The following MARCHF1 variants were observed in gnomAD, a reference collection of about 807,000 sequenced individuals.
The protein encoded by MARCHF1 is E3 ubiquitin-protein ligase MARCHF1.
In MARCHF1, 40 loss-of-function variants were observed where a neutral mutation model predicts 54.2. That is an observed-to-expected ratio of 0.74 (90% CI 0.57 to 0.96). The LOEUF is 0.96. Ranked by LOEUF, MARCHF1 falls within the 40% of genes least tolerant of loss-of-function variation. The probability of loss-of-function intolerance (pLI) is 0.00; values close to 1 mark genes in which losing one functional copy is unlikely to be tolerated. For missense variants in MARCHF1, 586 were observed against 656.5 expected (o/e 0.89, Z 1.17); for synonymous variants, 236 against 236.3 (o/e 1.00, Z 0.01).
intron 8 of MARCHF1, among the ~76,000 whole-genome samples, chr4:163,566,418 C>T (rs1489671967): frequency 6.6e-6 from 1 of 152,200 alleles, no homozygotes; most frequent in Non-Finnish European, 1.5e-5. Flanking sequence ...AGCACTAGGG[C>T]AAAGTCCCAC....
At position 163,527,866 on chromosome 4, in the gene MARCHF1, A is replaced by G. The variant is rs542732655; in HGVS notation, c.*882T>C. On this transcript the variant is annotated 3_prime_UTR_variant, in exon 10 of 10. Coordinates refer to ENST00000514618, the MANE Select transcript of MARCHF1 (RefSeq NM_001394959.1). ...TATTGATGACATGTTGAAATAACAT[A>G]TAGTGTTTTTAAAAAATCAAAATTC... 6 of 152,206 alleles carry G rather than the reference A, an allele frequency of 3.9e-5. No individual in the cohort carries two copies. The highest frequency in any genetic ancestry group is 1.9e-4 in the East Asian group (1 of 5,170). The allele number at this position is 152,206 out of a possible 1,614,324, so 9.4% of individuals were successfully genotyped here. A position where few individuals can be genotyped will look rare whatever the true frequency, so the allele number is the denominator to read the frequency against.
intron 2 of MARCHF1, among the ~76,000 whole-genome samples, chr4:164,091,634 A>G (rs1401400176): frequency 6.6e-6 from 1 of 151,966 alleles, no homozygotes; most frequent in Non-Finnish European, 1.5e-5. Flanking sequence ...GGAGATTCAA[A>G]AATAAATAAA....
intron 3 of MARCHF1, among the ~76,000 whole-genome samples, chr4:163,895,660 T>C (rs1292254169): frequency 3.9e-5 from 6 of 152,090 alleles, no homozygotes; most frequent in Non-Finnish European, 2.9e-5. Context: ...GCGAGGTCTG[T>C]TTATGCTGTG....
chr4:164,111,224 C>T (rs1430706273), intron 2 of MARCHF1, among the ~76,000 whole-genome samples: 1 of 151,652 alleles, frequency 6.6e-6, no homozygotes, highest in Non-Finnish European at 1.5e-5. Flanking sequence ...CCAGTTTCCA[C>T]AGGTAAAATC....
chr4:164,256,828 A>C (rs1733302901), intron 1 of MARCHF1, among the ~76,000 whole-genome samples: 1 of 152,218 alleles, frequency 6.6e-6, no homozygotes, highest in South Asian at 2.1e-4. Context: ...AAACTGGTAC[A>C]GTCCATTTGG....
chr4:163,744,596 T>A (rs1272543598), intron 4 of MARCHF1, among the ~76,000 whole-genome samples: 4 of 152,200 alleles, frequency 2.6e-5, no homozygotes, highest in Non-Finnish European at 5.9e-5. Flanking sequence ...TCCAGAATAA[T>A]ACCTGTCAAA....
At chr4:164,112,370 A>G (rs1011930209) in intron 1 of MARCHF1, among the ~76,000 whole-genome samples, 1 of 151,936 alleles carries the variant, frequency 6.6e-6, no homozygotes, top group Non-Finnish European at 1.5e-5. Flanking sequence ...GGCTAAGGAT[A>G]CAATTGTGTG....
intron 1 of MARCHF1, among the ~76,000 whole-genome samples, chr4:164,356,780 C>CAAAAAAAAAAAAAAAAAG (rs58855405): frequency 9.7e-6 from 1 of 103,276 alleles, no homozygotes; most frequent in Non-Finnish European, 2.0e-5. Context: ...AAAAGAAAAG[C>CAAAAAAAAAAAAAAAAAG]AAAAAAAAAA....
chr4:163,914,528 G>A (rs1340821553), intron 3 of MARCHF1, among the ~76,000 whole-genome samples: 1 of 152,010 alleles, frequency 6.6e-6, no homozygotes, highest in Non-Finnish European at 1.5e-5. Context: ...AAATTAAAAA[G>A]AAACATTTTA....
chr4:163,980,675 A>T (rs1265331089), intron 3 of MARCHF1, among the ~76,000 whole-genome samples: 1 of 152,240 alleles, frequency 6.6e-6, no homozygotes, highest in Non-Finnish European at 1.5e-5. Context: ...ATAATCAGCT[A>T]AGTGTATGCA....
At chr4:164,058,875 ACTT>A (rs1754552646) in intron 2 of MARCHF1, among the ~76,000 whole-genome samples, 1 of 152,186 alleles carries the variant, frequency 6.6e-6, no homozygotes, top group Non-Finnish European at 1.5e-5. Context: ...TGCCTGTTGA[ACTT>A]CTTTGTTCCC....
chr4:164,259,703 G>A (rs1733410257), intron 1 of MARCHF1, among the ~76,000 whole-genome samples: 1 of 152,094 alleles, frequency 6.6e-6, no homozygotes, highest in African/African-American at 2.4e-5. Context: ...GACCCTTGAG[G>A]TAGGTATATA....
At chr4:163,767,372 C>T (rs183320285) in intron 4 of MARCHF1, among the ~76,000 whole-genome samples, 89 of 150,756 alleles carry the variant, frequency 5.9e-4, no homozygotes, top group Non-Finnish European at 8.6e-4. Flanking sequence ...TCTCGCTCGT[C>T]GCCCAGGCTG....
chr4:163,624,946 T>C (rs1741818719), intron 5 of MARCHF1, among the ~76,000 whole-genome samples: 1 of 152,220 alleles, frequency 6.6e-6, no homozygotes, highest in Non-Finnish European at 1.5e-5. Context: ...GTCATTTCCT[T>C]TCCTTTATCA....
chr4:163,972,087 C>A (rs187139280), intron 3 of MARCHF1, among the ~76,000 whole-genome samples: 143 of 152,276 alleles, frequency 9.4e-4, no homozygotes, highest in Non-Finnish European at 1.7e-3. Flanking sequence ...TCTCAGCAAA[C>A]TAACACAGGA....
chr4:164,035,803 G>C (rs1579479030), intron 2 of MARCHF1, among the ~76,000 whole-genome samples: 1 of 151,528 alleles, frequency 6.6e-6, no homozygotes, highest in Admixed American at 6.6e-5. Context: ...TATTTTGGCC[G>C]GGTGCGGTGG....
Position 163,556,885 on chromosome 4 carries a change from T to C in MARCHF1, c.1192-11142A>G, listed in dbSNP as rs1198708609. On this transcript the variant is annotated intron_variant, in intron 8 of 9. Transcript: ENST00000514618. ...AAGAATTTTGTCCTAAAACTGAAGA[T>C]TTTTTTTTTTTTTTAAAGAGAAGAT... Among the ~76,000 whole-genome samples the C allele has an allele frequency of 5.8e-5, 7 of 120,040 alleles. No individual in the cohort carries two copies. In the South Asian group the frequency reaches 1.8e-3, roughly 30 times the overall value. 78.8% of individuals were successfully genotyped at this position (120,040 alleles called of 152,430 possible).
At chr4:163,628,672 C>T (rs1741959584) in intron 5 of MARCHF1, among the ~76,000 whole-genome samples, 1 of 152,172 alleles carries the variant, frequency 6.6e-6, no homozygotes, top group Admixed American at 6.5e-5. Context: ...CCAAAATCTC[C>T]TTAAGTGGAT....
chr4:163,626,561 T>A lies in MARCHF1; in HGVS notation c.163-13168A>T, dbSNP rs577012266. Among the ~76,000 whole-genome samples the A allele has an allele frequency of 2.3e-4, 35 of 152,336 alleles. No individual in the cohort carries two copies. The East Asian group carries it at 6.2e-3, about 27-fold the overall frequency. ...ATACTGCTGCAGAAGATTCTTTTTTTAAAGCCCCATTAATATCTGTGATAG... is the reference window on the plus strand; with the variant it reads ...ATACTGCTGCAGAAGATTCTTTTTTAAAAGCCCCATTAATATCTGTGATAG... On this transcript the variant is annotated intron_variant, in intron 5 of 9. Coordinates refer to ENST00000514618, the MANE Select transcript of MARCHF1 (RefSeq NM_001394959.1).
Sources: allele counts gnomAD v4.1 joint callset (sites outside exome capture counted in the v4.1 genomes callset), GRCh38; gene constraint gnomAD v4.1.1; transcripts MANE v1.5; gene names NCBI Gene and HGNC (gene_info 2026-07-23, HGNC 2026-07-21).